PXK: variants seen among roughly 807,000 people sequenced by gnomAD.
The protein encoded by PXK is PX domain containing serine/threonine kinase like.
A neutral mutation model predicts 84.7 loss-of-function variants in PXK; 35 were observed. The ratio of observed to expected loss-of-function variants is 0.41; its 90% CI spans 0.32 to 0.55. The LOEUF is 0.55. Ranked by LOEUF, PXK falls within the 20% of genes least tolerant of loss-of-function variation. The pLI is 0.21. For missense variants in PXK, 634 were observed against 699.7 expected (o/e 0.91, Z 1.06); for synonymous variants, 253 against 260.8 (o/e 0.97, Z 0.29).
intron 1 of PXK, among the ~76,000 whole-genome samples, chr3:58,337,773 A>C (rs1265975955): frequency 6.6e-6 from 1 of 152,130 alleles, no homozygotes; most frequent in Non-Finnish European, 1.5e-5. Flanking sequence ...CCTGGCCTCA[A>C]CTAGGATCTT....
chr3:58,418,297 T>C (rs1159649951), intron 17 of PXK, among the ~76,000 whole-genome samples: 1 of 152,202 alleles, frequency 6.6e-6, no homozygotes, highest in Non-Finnish European at 1.5e-5. Flanking sequence ...TCTTATCCAG[T>C]GTGAGTGGAC....
Position 58,370,284 on chromosome 3 carries a change from G to A in PXK, c.201+806G>A, listed in dbSNP as rs1414870375. 1.3e-5 allele frequency among the ~76,000 whole-genome samples: 2 copies of A among 152,166 alleles called. No homozygotes were observed. Among genetic ancestry groups the A allele is most frequent in the African/African-American group, 4.8e-5 (2 of 41,428 alleles). On this transcript the variant is annotated intron_variant, in intron 3 of 17. Coordinates refer to ENST00000356151, the MANE Select transcript of PXK (RefSeq NM_017771.5). This position sits in a 1 kb window ranked among gnomAD's most constrained non-coding sequence, Gnocchi z 4.2. ...GTTCCTAACTTGAGGGCCATAATGG[G>A]AAGAAGCATGAGCTGGAAGGTCTTC...
In PXK at chr3:58,334,947, G is replaced by C. The variant is rs796914904; in HGVS notation, c.102+1857G>C. On this transcript the variant is annotated intron_variant, in intron 1 of 17. Transcript: ENST00000356151. ...TGTAAGGGTGTGTGTGTGTGTGTGT[G>C]TGTGTGTGTGTCTGTGTGTGTGTGT... Among the ~76,000 whole-genome samples, 11 of 128,466 alleles carry C rather than the reference G, an allele frequency of 8.6e-5. No homozygotes were observed. The East Asian group carries it at 1.1e-3, about 13-fold the overall frequency. The allele number at this position is 128,466 out of a possible 152,430, so 84.3% of individuals were successfully genotyped here.
Position 58,397,837 on chromosome 3 carries a change from A to G in PXK, c.1102+115A>G, listed in dbSNP as rs2057949859. The G allele has an allele frequency of 1.3e-6, 1 of 775,574 alleles. No homozygotes were observed. The highest frequency in any genetic ancestry group is 2.0e-6 in the Non-Finnish European group (1 of 487,860). 48.0% of individuals were successfully genotyped at this position (775,574 alleles called of 1,614,324 possible). A position where few individuals can be genotyped will look rare whatever the true frequency, so the allele number is the denominator to read the frequency against. ...AAGTTGCTGTCCTCCACAGCCAGAA[A>G]TTCTTACAAAATTTAAAAGTAGACC... On this transcript the variant is annotated intron_variant, in intron 11 of 17. Transcript: ENST00000356151. The surrounding 1 kb of genome is among the most constrained non-coding windows in gnomAD (Gnocchi z 4.7).
intron 1 of PXK, among the ~76,000 whole-genome samples, chr3:58,352,396 CCGAGTTT>C (rs1465790760): frequency 6.6e-6 from 1 of 152,184 alleles, no homozygotes; most frequent in African/African-American, 2.4e-5. Context: ...TCCAGCGGAT[CCGAGTTT>C]CTATGTTGTT....
At chr3:58,334,295 A>C in intron 1 of PXK, among the ~76,000 whole-genome samples, 1 of 152,202 alleles carries the variant, frequency 6.6e-6, no homozygotes, top group Admixed American at 6.5e-5. Context: ...TTATCTTTTT[A>C]AAAAGGGCTA....
intron 17 of PXK, chr3:58,422,289 C>G: frequency 3.0e-6 from 3 of 985,400 alleles, no homozygotes; most frequent in Non-Finnish European, 3.6e-6. Context: ...CCAGAGTGTT[C>G]CAAACTGGCA....
chr3:58,421,918 C>T lies in PXK; in HGVS notation c.1529-2834C>T, dbSNP rs970595601. 4.9e-5 allele frequency: 48 copies of T among 985,278 alleles called. No individual in the cohort carries two copies. Among genetic ancestry groups the T allele is most frequent in the Non-Finnish European group, 5.7e-5 (47 of 829,932 alleles). 61.0% of individuals were successfully genotyped at this position (985,278 alleles called of 1,614,324 possible). On this transcript the variant is annotated intron_variant, in intron 17 of 17. Coordinates refer to ENST00000356151, the MANE Select transcript of PXK (RefSeq NM_017771.5). This position sits in a 1 kb window ranked among gnomAD's most constrained non-coding sequence, Gnocchi z 5.5. ...AGGTATCATAAGTCTAACATGGAAT[C>T]GGTCTGCTCTCATATGTGGCCTGGA... is the stretch of plus-strand genomic sequence containing the variant.
rs938114630 is a variant in PXK, at chr3:58,332,923, C to T, written c.-66C>T. On this transcript the variant is annotated 5_prime_UTR_variant, in exon 1 of 18. Coordinates refer to ENST00000356151, the MANE Select transcript of PXK (RefSeq NM_017771.5). This position sits in a 1 kb window ranked among gnomAD's most constrained non-coding sequence, Gnocchi z 5.6. ...AGCGGCGGCGGTGGAACCGGGCGGG[C>T]GGCGGGAGTCGGCGCCTCGGGTTCC... is the stretch of plus-strand genomic sequence containing the variant. 26 of 1,051,556 alleles carry T rather than the reference C, an allele frequency of 2.5e-5. No homozygotes were observed. The African/African-American group carries it at 3.7e-4, about 15-fold the overall frequency. 65.1% of individuals were successfully genotyped at this position (1,051,556 alleles called of 1,614,324 possible). A position where few individuals can be genotyped will look rare whatever the true frequency, so the allele number is the denominator to read the frequency against.
At chr3:58,369,293 A>G in intron 2 of PXK, 138 bp from the exon 3 acceptor site, 1 of 555,574 alleles carries the variant, frequency 1.8e-6, no homozygotes, top group South Asian at 3.1e-5. Context: ...GTTAAGCACC[A>G]GGTATAAGCC....
intron 1 of PXK, among the ~76,000 whole-genome samples, chr3:58,339,808 T>C (rs1246982815): frequency 6.6e-6 from 1 of 152,014 alleles, no homozygotes; most frequent in Non-Finnish European, 1.5e-5. Flanking sequence ...GATTGTTCAA[T>C]ATATAGATTT....
intron 1 of PXK, among the ~76,000 whole-genome samples, chr3:58,352,875 C>G (rs538444608): frequency 6.6e-6 from 1 of 152,078 alleles, no homozygotes; most frequent in Non-Finnish European, 1.5e-5. Flanking sequence ...TCAAAAGGCC[C>G]GGAGAAGGGA....
At chr3:58,376,430 A>G (rs550760085) in intron 3 of PXK, among the ~76,000 whole-genome samples, 108 of 152,072 alleles carry the variant, frequency 7.1e-4, no homozygotes, top group Non-Finnish European at 1.4e-3. Flanking sequence ...TAAATAAATA[A>G]ATAAAATTAA....
intron 17 of PXK, chr3:58,423,524 C>A: frequency 6.5e-7 from 1 of 1,535,800 alleles, no homozygotes; most frequent in Non-Finnish European, 8.7e-7. Flanking sequence ...AAGACTTTAA[C>A]CCATACCTGT....
chr3:58,342,549 C>A (rs958788835), intron 1 of PXK, among the ~76,000 whole-genome samples: 26 of 147,672 alleles, frequency 1.8e-4, no homozygotes, highest in Admixed American at 1.8e-3. Context: ...GCACGAGAAT[C>A]GCTTGAACCT....
At position 58,414,907 on chromosome 3, in the gene PXK, G is replaced by A. The variant is rs1220369324; in HGVS notation, c.1528+1944G>A. Among the ~76,000 whole-genome samples, 1 of 152,130 alleles carries A rather than the reference G, an allele frequency of 6.6e-6. No individual in the cohort carries two copies. Among genetic ancestry groups the A allele is most frequent in the African/African-American group, 2.4e-5 (1 of 41,416 alleles). ...AACCCAAGGGAGTTTATTCATTTAA[G>A]AATAAACATTCAAGGTGCATTTACT... is the stretch of plus-strand genomic sequence containing the variant. On this transcript the variant is annotated intron_variant, in intron 17 of 17. Transcript: ENST00000356151. This position sits in a 1 kb window ranked among gnomAD's most constrained non-coding sequence, Gnocchi z 4.5.
At chr3:58,420,400 C>A in intron 17 of PXK, 1 of 1,122,388 alleles carries the variant, frequency 8.9e-7, no homozygotes, top group Non-Finnish European at 1.3e-6. Context: ...TGAGTATATC[C>A]TAGTTTCGAA....
chr3:58,347,000 G>A (rs1426013014), intron 1 of PXK, among the ~76,000 whole-genome samples: 2 of 152,036 alleles, frequency 1.3e-5, no homozygotes, highest in African/African-American at 2.4e-5. Flanking sequence ...CACCATGCCC[G>A]GCTAATTTTT....
chr3:58,352,849 G>T (rs779456681), intron 1 of PXK, among the ~76,000 whole-genome samples: 1 of 152,180 alleles, frequency 6.6e-6, no homozygotes, highest in Non-Finnish European at 1.5e-5. Flanking sequence ...CCATCCCACA[G>T]CGGAGAGTGT....
Sources: allele counts gnomAD v4.1 joint callset (sites outside exome capture counted in the v4.1 genomes callset), GRCh38; gene constraint gnomAD v4.1.1; non-coding constraint Gnocchi (gnomAD v3.1); transcripts MANE v1.5; gene names NCBI Gene and HGNC (gene_info 2026-07-23, HGNC 2026-07-21).